PRDM11: variants seen among roughly 807,000 people sequenced by gnomAD.
PRDM11 encodes PR domain-containing protein 11.
A neutral mutation model predicts 97.8 loss-of-function variants in PRDM11; 20 were observed. That is an observed-to-expected ratio of 0.20 (90% confidence interval 0.14 to 0.30). The LOEUF is 0.30. Ranked by LOEUF, PRDM11 falls within the 10% of genes least tolerant of loss-of-function variation. The pLI is 1.00. For synonymous variants in PRDM11, 599 were observed against 637.7 expected, an observed-to-expected ratio of 0.94 and a Z score of 0.91; for missense variants, 1,139 against 1,555.2, an observed-to-expected ratio of 0.73 and a Z score of 4.50.
At chr11:45,106,734 T>G (rs1386789940) in intron 1 of PRDM11, among the ~76,000 whole-genome samples, 2 of 152,176 alleles carry the variant, frequency 1.3e-5, no homozygotes, top group Non-Finnish European at 2.9e-5. Context: ...GGTCTGTGAG[T>G]TCTTTTTAGC....
At chr11:45,158,602 G>A (rs1201934533) in intron 1 of PRDM11, among the ~76,000 whole-genome samples, 1 of 152,212 alleles carries the variant, frequency 6.6e-6, no homozygotes, top group Non-Finnish European at 1.5e-5. Flanking sequence ...TCCTCACCCT[G>A]TCTGCTGTAC....
At chr11:45,146,962 C>A in intron 1 of PRDM11, 85 bp downstream of exon 1, 1 of 145,642 alleles carries the variant, frequency 6.9e-6, no homozygotes, top group South Asian at 2.0e-4. Flanking sequence ...CGGGGGCCGC[C>A]GGTGCGGGGG....
chr11:45,113,822 G>C, intron 1 of PRDM11, among the ~76,000 whole-genome samples: 1 of 71,452 alleles, frequency 1.4e-5, no homozygotes, highest in African/African-American at 4.9e-5. Flanking sequence ...GTGTGTGTGT[G>C]TGTTTTGTTT....
Position 45,182,312 on chromosome 11 carries a change from C to T in PRDM11, c.186C>T (p.Leu62=). 1.2e-6 allele frequency: 2 copies of T among 1,614,052 alleles called. No homozygotes were observed. Among genetic ancestry groups the T allele is most frequent in the Non-Finnish European group, 1.7e-6 (2 of 1,180,024 alleles). The change falls in exon 3 of 8, where the codon CTC becomes CTT. Residue 62 remains leucine, a synonymous_variant. Coordinates refer to ENST00000683152, the MANE Select transcript of PRDM11 (RefSeq NM_001384648.1). ...EPKKLKGKRD[L]IVPKSFQQVD... is the part of the protein sequence containing the mutation. ...AGAAACTGAAGGGGAAGCGCGACCT[C>T]ATCGTGCCCAAAAGCTTCCAGCAAG...
intron 5 of PRDM11, among the ~76,000 whole-genome samples, chr11:45,207,672 A>C (rs1853566553): frequency 6.6e-6 from 1 of 152,186 alleles, no homozygotes; most frequent in Non-Finnish European, 1.5e-5. Context: ...GGTTCACACG[A>C]GTCCCATGGC....
At chr11:45,119,837 GCAGTGA>G (rs920727594) in intron 1 of PRDM11, among the ~76,000 whole-genome samples, 11 of 152,146 alleles carry the variant, frequency 7.2e-5, no homozygotes, top group Non-Finnish European at 8.8e-5. Context: ...GCAGCATCTG[GCAGTGA>G]CAGTGACAGT....
intron 1 of PRDM11, among the ~76,000 whole-genome samples, chr11:45,125,677 T>C (rs1197642644): frequency 6.6e-6 from 1 of 152,254 alleles, no homozygotes; most frequent in Non-Finnish European, 1.5e-5. Context: ...TCCTGAGTTC[T>C]AGTTTGATTG....
Position 45,227,538 on chromosome 11 carries a change from G to T in PRDM11, c.2913G>T (p.Leu971=), listed in dbSNP as rs1286416084. 4.0e-5 allele frequency: 61 copies of T among 1,533,924 alleles called. No homozygotes were observed. The highest frequency in any genetic ancestry group is 5.3e-5 in the Non-Finnish European group (61 of 1,146,740). Residue 971 remains leucine, a synonymous_variant, in exon 8 of 8, where the codon CTG becomes CTT. Coordinates refer to ENST00000683152, the MANE Select transcript of PRDM11 (RefSeq NM_001384648.1). This position sits in a 1 kb window ranked among gnomAD's most constrained non-coding sequence, Gnocchi z 8.0. The part of the protein sequence containing the change: ...EKICQKTQVI[L]AQRFDSRSRI... ...TCTGCCAGAAGACCCAGGTCATCCT[G>T]GCTCAGAGGTTCGACTCCCGCAGCC...
rs576820404 is a variant in PRDM11, at chr11:45,213,899, G to T, written c.555-5671G>T. 2.2e-5 allele frequency: 8 copies of T among 365,658 alleles called. No homozygotes were observed. In the East Asian group the frequency reaches 5.9e-4, roughly 27 times the overall value. The allele number at this position is 365,658 out of a possible 1,614,324, so 22.7% of individuals were successfully genotyped here. ...GAAGAGGAGGCAGGGGGCAGGTCTT[G>T]CCCCTTGCCAGGCCTCTGCCCCTTG... is the stretch of plus-strand genomic sequence containing the variant. On this transcript the variant is annotated intron_variant, in intron 5 of 7. Coordinates refer to ENST00000683152, the MANE Select transcript of PRDM11 (RefSeq NM_001384648.1).
At chr11:45,119,633 AAAAAAAAAAAAAAAAAC>A (rs1380067114) in intron 1 of PRDM11, among the ~76,000 whole-genome samples, 3 of 138,294 alleles carry the variant, frequency 2.2e-5, no homozygotes, top group African/African-American at 7.7e-5. Context: ...AAAAAAAAAA[AAAAAAAAAAAAAAAAAC>A]ACCTGGTAAG....
At chr11:45,212,623 G>A (rs1387786961) in intron 5 of PRDM11, 1 of 456,328 alleles carries the variant, frequency 2.2e-6, no homozygotes, top group Non-Finnish European at 4.4e-6. Context: ...CCAAGCCAGA[G>A]GCCCTGCCCC....
At chr11:45,193,107 T>C (rs1264186648) in intron 4 of PRDM11, among the ~76,000 whole-genome samples, 2 of 152,210 alleles carry the variant, frequency 1.3e-5, no homozygotes, top group South Asian at 2.1e-4. Flanking sequence ...AAATGGGAAC[T>C]TACTCTATTG....
intron 1 of PRDM11, among the ~76,000 whole-genome samples, chr11:45,168,476 G>A (rs939834455): frequency 1.3e-5 from 2 of 152,196 alleles, no homozygotes; most frequent in South Asian, 2.1e-4. Flanking sequence ...TGCCTGCGCC[G>A]AGTGGCTGGC....
chr11:45,205,970 G>A (rs940289246), intron 5 of PRDM11, among the ~76,000 whole-genome samples: 2 of 152,186 alleles, frequency 1.3e-5, no homozygotes, highest in East Asian at 3.9e-4. Flanking sequence ...CTTGCAGTGT[G>A]GAGAATAGCA....
At chr11:45,149,165 AT>A (rs1430335439) in intron 1 of PRDM11, among the ~76,000 whole-genome samples, 2 of 152,168 alleles carry the variant, frequency 1.3e-5, no homozygotes, top group Non-Finnish European at 2.9e-5. Flanking sequence ...GAGCCTCCTA[AT>A]GTCTACCTGC....
At chr11:45,097,828 G>C (rs1851909417) in intron 1 of PRDM11, among the ~76,000 whole-genome samples, 2 of 152,236 alleles carry the variant, frequency 1.3e-5, no homozygotes, top group Admixed American at 1.3e-4. Flanking sequence ...ACTCATGTTT[G>C]GAGGTGCCTG....
Position 45,134,701 on chromosome 11 carries a change from G to GAAAAAAAAAAAAAAAAAAAAAAA in PRDM11, c.96+38803_96+38825dup, listed in dbSNP as rs1191008824. 1.4e-4 allele frequency among the ~76,000 whole-genome samples: 6 copies of GAAAAAAAAAAAAAAAAAAAAAAA among 44,266 alleles called. 1 individual carries two copies. The highest frequency in any genetic ancestry group is 4.3e-4 in the African/African-American group (4 of 9,402). The allele number at this position is 44,266 out of a possible 152,430, so 29.0% of individuals were successfully genotyped here. ...GCAACAGAGTGAGACCCTGTCTCAC[G>GAAAAAAAAAAAAAAAAAAAAAAA]AAAAAAAAAAAAAAAAAAAAAAAAA... On this transcript the variant is annotated intron_variant, in intron 1 of 6. Transcript: ENST00000530656.
intron 1 of PRDM11, among the ~76,000 whole-genome samples, chr11:45,166,388 T>C (rs1382356226): frequency 3.3e-5 from 5 of 152,158 alleles, no homozygotes; most frequent in Non-Finnish European, 7.4e-5. Flanking sequence ...AGCCCCAGAA[T>C]TGTAGCTCAC....
Position 45,227,178 on chromosome 11 carries a change from G to T in PRDM11, c.2553G>T (p.Glu851Asp), listed in dbSNP as rs1269565590. ...DYLEVVAHLK[E>D]VSSQTQRADA... ...TGGAGGTGGTGGCCCATCTCAAGGA[G>T]GTCAGCAGCCAGACCCAGCGGGCAG... The change falls in exon 8 of 8, where the codon GAG becomes GAT. Residue 851 changes from glutamate (E) to aspartate (D), a missense_variant. By Grantham distance (45) the Glu-to-Asp change is conservative (BLOSUM62 2). Around this residue, in one of 2 missense-constraint regions of PRDM11, gnomAD observed 710 missense variants for 1,044.9 expected, o/e 0.68. Coordinates refer to ENST00000683152, the MANE Select transcript of PRDM11 (RefSeq NM_001384648.1). This position sits in a 1 kb window ranked among gnomAD's most constrained non-coding sequence, Gnocchi z 8.0. 3 of 1,533,978 alleles carry T rather than the reference G, an allele frequency of 2.0e-6. No individual in the cohort carries two copies. Among genetic ancestry groups the T allele is most frequent in the Non-Finnish European group, 2.6e-6 (3 of 1,146,728 alleles).
Sources: gnomAD v4.1 joint callset for allele counts (sites outside exome capture counted in the v4.1 genomes callset) on GRCh38, gnomAD v4.1.1 for gene constraint, gnomAD v4.1.1 regional missense constraint, Gnocchi (gnomAD v3.1) non-coding constraint, MANE v1.5 for transcripts, NCBI Gene and HGNC (gene_info 2026-07-23, HGNC 2026-07-21) for gene names.